Variants in C12orf42 observed in about 807,000 individuals in gnomAD.
The protein encoded by C12orf42 is uncharacterized protein C12orf42.
C12orf42 carries 25 observed loss-of-function variants against 21.6 expected under a neutral mutation model. That is an observed-to-expected ratio of 1.16 (90% CI 0.84 to 1.62). The LOEUF (loss-of-function observed/expected upper bound fraction) is 1.62. Among genes scored for constraint, C12orf42 ranks in the 40% most tolerant of loss-of-function variants. C12orf42 has a pLI of 0.00. For missense variants in C12orf42, 483 were observed against 459.3 expected, an observed-to-expected ratio of 1.05 and a Z score of -0.47; for synonymous variants, 174 against 175.0, an observed-to-expected ratio of 0.99 and a Z score of 0.05.
At chr12:103,222,854 G>T in the C12orf42 span, among the ~76,000 whole-genome samples, 1 of 150,694 alleles carries the variant, frequency 6.6e-6, no homozygotes, top group Admixed American at 6.7e-5. Context: ...CCTGTGTAGG[G>T]TATAAGAAGC....
At chr12:103,260,225 G>T (rs1186477704) in intron 10 of C12orf42, among the ~76,000 whole-genome samples, 1 of 148,934 alleles carries the variant, frequency 6.7e-6, no homozygotes, top group African/African-American at 2.4e-5. Flanking sequence ...GGACCAGTAG[G>T]TATTTCTAAA....
At chr12:103,154,373 A>G in the C12orf42 span, among the ~76,000 whole-genome samples, 1 of 152,192 alleles carries the variant, frequency 6.6e-6, no homozygotes, top group Non-Finnish European at 1.5e-5. Context: ...ACGAGCAAAC[A>G]AAAAAACCCA....
chr12:103,535,433 C>T, the C12orf42 span, among the ~76,000 whole-genome samples: 54 of 149,140 alleles, frequency 3.6e-4, no homozygotes, highest in Admixed American at 8.0e-4. Flanking sequence ...TTTTTTAAAT[C>T]GAACCTTCCA....
chr12:103,304,089 AG>A (rs1448510894), intron 5 of C12orf42, among the ~76,000 whole-genome samples: 1 of 152,250 alleles, frequency 6.6e-6, no homozygotes, highest in African/African-American at 2.4e-5. Context: ...ACTATCTTAA[AG>A]GAACAGTGTG....
At chr12:103,379,605 G>A (rs972355008) in intron 3 of C12orf42, among the ~76,000 whole-genome samples, 1 of 152,158 alleles carries the variant, frequency 6.6e-6, no homozygotes, top group Non-Finnish European at 1.5e-5. Context: ...GGTTTGGATC[G>A]TGCTTGGACA....
intron 2 of C12orf42, among the ~76,000 whole-genome samples, chr12:103,448,937 C>G (rs1313689454): frequency 6.6e-6 from 1 of 152,052 alleles, no homozygotes; most frequent in Non-Finnish European, 1.5e-5. Flanking sequence ...AGCAATCCCA[C>G]TACTAGGTGC....
intron 10 of C12orf42, among the ~76,000 whole-genome samples, chr12:103,245,686 A>G (rs1340833965): frequency 6.6e-6 from 1 of 152,148 alleles, no homozygotes; most frequent in Non-Finnish European, 1.5e-5. Flanking sequence ...AATTTGTTCC[A>G]TAAACATTTA....
chr12:103,089,762 C>T, the C12orf42 span, among the ~76,000 whole-genome samples: 1 of 152,048 alleles, frequency 6.6e-6, no homozygotes, highest in Non-Finnish European at 1.5e-5. Flanking sequence ...GAAACTTCAA[C>T]TCTCTGAATG....
chr12:103,387,293 T>G (rs2046693533), intron 3 of C12orf42, among the ~76,000 whole-genome samples: 1 of 152,184 alleles, frequency 6.6e-6, no homozygotes, highest in Non-Finnish European at 1.5e-5. Context: ...TCTTCATGAC[T>G]TAATGCTTCA....
chr12:103,086,194 C>T, the C12orf42 span, among the ~76,000 whole-genome samples: 2 of 151,796 alleles, frequency 1.3e-5, no homozygotes, highest in Non-Finnish European at 1.5e-5. Context: ...CTGTTGATAC[C>T]TTCAATAACA....
chr12:103,438,929 A>C (rs1950967440), intron 2 of C12orf42, among the ~76,000 whole-genome samples: 1 of 152,018 alleles, frequency 6.6e-6, no homozygotes, highest in Non-Finnish European at 1.5e-5. Flanking sequence ...TATGGAACCA[A>C]AAAAGAGCCC....
the C12orf42 span, among the ~76,000 whole-genome samples, chr12:103,150,522 C>T: frequency 6.6e-6 from 1 of 152,200 alleles, no homozygotes; most frequent in Non-Finnish European, 1.5e-5. Flanking sequence ...TATAATGAAT[C>T]CTTATAATTC....
chr12:103,173,906 A>G, the C12orf42 span, among the ~76,000 whole-genome samples: 87 of 152,248 alleles, frequency 5.7e-4, 1 homozygote, highest in South Asian at 0.017. Context: ...GGAAGTGACG[A>G]TGGATTTAAA....
intron 2 of C12orf42, among the ~76,000 whole-genome samples, chr12:103,415,260 C>T (rs2049210458): frequency 6.6e-6 from 1 of 152,098 alleles, no homozygotes; most frequent in African/African-American, 2.4e-5. Flanking sequence ...AACAGTGGTG[C>T]ACCCAGATTC....
chr12:103,282,765 C>T (rs75000130), intron 4 of C12orf42, among the ~76,000 whole-genome samples: 2,192 of 152,324 alleles, frequency 0.014, 63 homozygotes, highest in African/African-American at 0.051. Context: ...TTAAGGTCAA[C>T]ACCTGCTACT....
At chr12:103,410,558 A>G (rs952725586) in intron 2 of C12orf42, among the ~76,000 whole-genome samples, 10 of 152,190 alleles carry the variant, frequency 6.6e-5, no homozygotes, top group African/African-American at 2.4e-4. Flanking sequence ...TGTCATGGCC[A>G]CAAGCAAGCC....
chr12:103,121,176 G>GT, the C12orf42 span, among the ~76,000 whole-genome samples: 2 of 152,156 alleles, frequency 1.3e-5, no homozygotes, highest in Admixed American at 6.6e-5. Flanking sequence ...GGACGATGTT[G>GT]TTTTTTATCA....
intron 3 of C12orf42, among the ~76,000 whole-genome samples, 157 bp downstream of exon 3, chr12:103,401,450 T>A (rs934240368): frequency 6.6e-6 from 1 of 152,212 alleles, no homozygotes; most frequent in Non-Finnish European, 1.5e-5. Flanking sequence ...TTCTAGGAAA[T>A]GTCTTTTAAC....
At chr12:103,249,352 G>C (rs1222260065) in intron 10 of C12orf42, among the ~76,000 whole-genome samples, 1 of 151,978 alleles carries the variant, frequency 6.6e-6, no homozygotes. Context: ...TTATACATAT[G>C]AATAACAGAA....
Sources: gnomAD v4.1 joint callset for allele counts (sites outside exome capture counted in the v4.1 genomes callset) on GRCh38, gnomAD v4.1.1 for gene constraint, MANE v1.5 for transcripts, NCBI Gene and HGNC (gene_info 2026-07-23, HGNC 2026-07-21) for gene names.